The following ARHGAP26 variants were observed in gnomAD, a reference collection of about 807,000 sequenced individuals.
ARHGAP26 encodes the protein rho GTPase-activating protein 26.
ARHGAP26 carries 38 observed loss-of-function variants against 104.8 expected under a neutral mutation model. The ratio of observed to expected loss-of-function variants is 0.36; its 90% CI spans 0.28 to 0.48. The LOEUF is 0.48. Among genes scored for constraint, ARHGAP26 ranks in the 20% least tolerant of loss-of-function variants. The probability of loss-of-function intolerance (pLI) is 0.99; values close to 1 mark genes in which losing one functional copy is unlikely to be tolerated. For missense variants in ARHGAP26, 704 were observed against 947.9 expected (o/e 0.74, Z 3.38); for synonymous variants, 341 against 340.0 (o/e 1.00, Z -0.03).
chr5:143,041,970 T>TA lies in ARHGAP26; in HGVS notation c.1285+81dup, dbSNP rs1783535426. 5.6e-6 allele frequency: 7 copies of TA among 1,243,424 alleles called. No homozygotes were observed. In the South Asian group the frequency reaches 9.0e-5, roughly 16 times the overall value. 77.0% of individuals were successfully genotyped at this position (1,243,424 alleles called of 1,614,324 possible). A position where few individuals can be genotyped will look rare whatever the true frequency, so the allele number is the denominator to read the frequency against. ...AAAAGTCACCAGGTCTGTGAGTAGATACAGCCTGTGGCAAAGGAATCGGGG... is the reference window on the plus strand; with the variant it reads ...AAAAGTCACCAGGTCTGTGAGTAGATAACAGCCTGTGGCAAAGGAATCGGGG... On this transcript the variant is annotated intron_variant, in intron 14 of 22. Transcript: ENST00000645722.
chr5:143,106,031 C>G (rs1348619829), intron 17 of ARHGAP26, among the ~76,000 whole-genome samples: 1 of 152,082 alleles, frequency 6.6e-6, no homozygotes, highest in Non-Finnish European at 1.5e-5. Context: ...CTTCCTCTCC[C>G]CACAAGTTTA....
chr5:143,214,684 G>T (rs1392193981), intron 22 of ARHGAP26, among the ~76,000 whole-genome samples: 1 of 152,136 alleles, frequency 6.6e-6, no homozygotes, highest in African/African-American at 2.4e-5. Flanking sequence ...GGCTGCCATT[G>T]TGTGTGCCCA....
At chr5:143,115,373 A>T (rs1449509405) in intron 17 of ARHGAP26, among the ~76,000 whole-genome samples, 1 of 151,708 alleles carries the variant, frequency 6.6e-6, no homozygotes, top group Non-Finnish European at 1.5e-5. Flanking sequence ...GAAAGAAAAG[A>T]CGTACTATTA....
chr5:142,807,558 GCA>G (rs895010837), intron 1 of ARHGAP26, among the ~76,000 whole-genome samples: 2 of 152,200 alleles, frequency 1.3e-5, no homozygotes, highest in Non-Finnish European at 2.9e-5. Context: ...GGTGTATCCA[GCA>G]CACTTTATTG....
chr5:142,894,255 C>T lies in ARHGAP26; in HGVS notation c.504C>T (p.Asp168=). The change falls in exon 6 of 23, where the codon GAC becomes GAT. Residue 168 remains aspartate, a synonymous_variant. Transcript: ENST00000645722. Reference sequence around the variant, plus strand: ...GTTTGTAGGCAGACAGCCAAGTGGACCTGGTCCGGCAGCATTTCTATGAAG... The same window carrying T: ...GTTTGTAGGCAGACAGCCAAGTGGATCTGGTCCGGCAGCATTTCTATGAAG... ...SQLQEADSQV[D]LVRQHFYEVS... 2 of 1,613,860 alleles carry T rather than the reference C, an allele frequency of 1.2e-6. No homozygotes were observed. Among genetic ancestry groups the T allele is most frequent in the African/African-American group, 2.7e-5 (2 of 74,972 alleles).
At chr5:142,991,617 T>A (rs1233791179) in intron 11 of ARHGAP26, among the ~76,000 whole-genome samples, 7 of 152,232 alleles carry the variant, frequency 4.6e-5, no homozygotes, top group Admixed American at 4.6e-4. Flanking sequence ...CTTTATACCA[T>A]ATTTTTACTG....
intron 20 of ARHGAP26, among the ~76,000 whole-genome samples, chr5:143,191,577 G>A (rs1266914269): frequency 6.6e-6 from 1 of 152,176 alleles, no homozygotes; most frequent in Non-Finnish European, 1.5e-5. Flanking sequence ...ATGGGCTAAA[G>A]TAGACATTTG....
intron 11 of ARHGAP26, among the ~76,000 whole-genome samples, chr5:142,974,665 G>A (rs1043033742): frequency 6.6e-5 from 10 of 152,170 alleles, no homozygotes; most frequent in African/African-American, 2.4e-4. Context: ...TGACTGCAGG[G>A]CTCCGCTCCC....
chr5:143,022,973 C>T (rs1020522063), intron 12 of ARHGAP26, among the ~76,000 whole-genome samples: 2 of 152,206 alleles, frequency 1.3e-5, no homozygotes, highest in African/African-American at 4.8e-5. Flanking sequence ...GGCTGAGGGG[C>T]CATCCCATAT....
intron 1 of ARHGAP26, among the ~76,000 whole-genome samples, chr5:142,857,296 A>T (rs565422736): frequency 2.0e-5 from 3 of 152,138 alleles, no homozygotes; most frequent in African/African-American, 7.2e-5. Context: ...ACAGGAGGGG[A>T]TATTGAAGTG....
At chr5:143,092,971 C>A (rs1193711658) in intron 17 of ARHGAP26, among the ~76,000 whole-genome samples, 1 of 152,200 alleles carries the variant, frequency 6.6e-6, no homozygotes, top group Non-Finnish European at 1.5e-5. Flanking sequence ...ATCGTCCTGT[C>A]CTGAAGGGAG....
chr5:143,077,143 G>A (rs1789155374), intron 17 of ARHGAP26, among the ~76,000 whole-genome samples: 1 of 152,198 alleles, frequency 6.6e-6, no homozygotes, highest in Non-Finnish European at 1.5e-5. Context: ...GGCACTTAAT[G>A]TGTCCCAGGC....
chr5:142,932,150 A>G (rs749199655), intron 11 of ARHGAP26, 25 bp downstream of exon 11: 1 of 1,608,610 alleles, frequency 6.2e-7, no homozygotes, highest in Non-Finnish European at 8.5e-7. Context: ...AGGGAAGTAG[A>G]GCAAGAATGA....
chr5:143,096,086 C>T (rs779658316), intron 17 of ARHGAP26, among the ~76,000 whole-genome samples: 5 of 152,112 alleles, frequency 3.3e-5, no homozygotes, highest in Non-Finnish European at 7.4e-5. Flanking sequence ...TGTTCACATG[C>T]AGTTACATTA....
intron 11 of ARHGAP26, among the ~76,000 whole-genome samples, chr5:142,934,093 A>G (rs775467019): frequency 2.0e-5 from 3 of 152,088 alleles, no homozygotes; most frequent in Non-Finnish European, 4.4e-5. Context: ...CAAACCCACT[A>G]CTGTCTCTCC....
intron 10 of ARHGAP26, among the ~76,000 whole-genome samples, chr5:142,927,764 A>T (rs985433507): frequency 6.6e-6 from 1 of 152,202 alleles, no homozygotes; most frequent in Non-Finnish European, 1.5e-5. Flanking sequence ...AGTTCCATCA[A>T]CTTATTCTCC....
intron 17 of ARHGAP26, among the ~76,000 whole-genome samples, chr5:143,061,584 T>C (rs1297554273): frequency 6.6e-6 from 1 of 152,188 alleles, no homozygotes; most frequent in Non-Finnish European, 1.5e-5. Flanking sequence ...CAGAGCACTG[T>C]CTTGCTTCCC....
At chr5:143,216,658 C>T (rs1285205269) in intron 22 of ARHGAP26, 1 of 186,610 alleles carries the variant, frequency 5.4e-6, no homozygotes, top group Non-Finnish European at 1.1e-5. Flanking sequence ...AGACCTTACC[C>T]AAGCCTTCCT....
chr5:143,165,107 C>G (rs1801754724), intron 20 of ARHGAP26: 1 of 152,196 alleles, frequency 6.6e-6, no homozygotes, highest in Non-Finnish European at 1.5e-5. Context: ...GAAGATGGCT[C>G]TTTTCCTCTG....
Sources: gnomAD v4.1 joint callset for allele counts (sites outside exome capture counted in the v4.1 genomes callset) on GRCh38, gnomAD v4.1.1 for gene constraint, MANE v1.5 for transcripts, NCBI Gene and HGNC (gene_info 2026-07-23, HGNC 2026-07-21) for gene names.